NAALADL2: variants seen among roughly 807,000 people sequenced by gnomAD.
NAALADL2 encodes inactive N-acetylated-alpha-linked acidic dipeptidase-like protein 2.
A neutral mutation model predicts 87.2 loss-of-function variants in NAALADL2; 76 were observed. That is an observed-to-expected ratio of 0.87 (90% confidence interval 0.72 to 1.05). The LOEUF is 1.05. NAALADL2 is among the 50% of genes least tolerant of loss of function. The pLI is 0.00. For synonymous variants in NAALADL2, 354 were observed against 331.0 expected (o/e 1.07, Z -0.75); for missense variants, 1,089 against 945.8 (o/e 1.15, Z -1.99).
intron 11 of NAALADL2, among the ~76,000 whole-genome samples, chr3:175,653,459 G>C (rs1235388758): frequency 6.6e-6 from 1 of 152,126 alleles, no homozygotes; most frequent in African/African-American, 2.4e-5. Flanking sequence ...ATCTGGCACT[G>C]GTTTGGAAGC....
chr3:174,926,934 C>A (rs1224279055), intron 1 of NAALADL2, among the ~76,000 whole-genome samples: 2 of 151,424 alleles, frequency 1.3e-5, no homozygotes, highest in Non-Finnish European at 2.9e-5. Flanking sequence ...AGTCAAGACT[C>A]ACCAGTGTGC....
chr3:175,140,562 G>A (rs535310131), intron 2 of NAALADL2, among the ~76,000 whole-genome samples: 8 of 152,250 alleles, frequency 5.3e-5, no homozygotes, highest in African/African-American at 1.7e-4. Flanking sequence ...AGCAAAGAAG[G>A]CAGGTAAAGA....
intron 1 of NAALADL2, among the ~76,000 whole-genome samples, chr3:174,996,866 T>TGAGATAA (rs1747531888): frequency 6.6e-6 from 1 of 152,060 alleles, no homozygotes; most frequent in Non-Finnish European, 1.5e-5. Flanking sequence ...TAGCTTCCAC[T>TGAGATAA]GATAAATGAG....
chr3:175,092,972 G>A (rs73176734), intron 1 of NAALADL2, among the ~76,000 whole-genome samples: 9,029 of 151,822 alleles, frequency 0.059, 375 homozygotes, highest in Non-Finnish European at 0.096. Flanking sequence ...ATTTCCATCC[G>A]TAGAAATGTC....
At chr3:175,337,291 G>C (rs920691645) in intron 5 of NAALADL2, among the ~76,000 whole-genome samples, 1 of 152,028 alleles carries the variant, frequency 6.6e-6, no homozygotes, top group Non-Finnish European at 1.5e-5. Flanking sequence ...AAGATTTCTT[G>C]ATATATTTGA....
intron 2 of NAALADL2, among the ~76,000 whole-genome samples, chr3:175,201,943 T>G (rs1337239770): frequency 6.6e-6 from 1 of 152,220 alleles, no homozygotes; most frequent in Non-Finnish European, 1.5e-5. Context: ...ATCAATGTAT[T>G]TCTTAACTTT....
chr3:175,159,380 A>G (rs1439918221), intron 2 of NAALADL2, among the ~76,000 whole-genome samples: 1 of 152,196 alleles, frequency 6.6e-6, no homozygotes, highest in Non-Finnish European at 1.5e-5. Flanking sequence ...TGAGCCTATA[A>G]AGATACTCCA....
intron 9 of NAALADL2, among the ~76,000 whole-genome samples, chr3:175,473,712 A>G (rs1218784157): frequency 6.6e-6 from 1 of 152,072 alleles, no homozygotes; most frequent in Non-Finnish European, 1.5e-5. Context: ...AAAACTTTAC[A>G]GTAATTTACA....
intron 10 of NAALADL2, among the ~76,000 whole-genome samples, chr3:175,621,923 T>C (rs1582661262): frequency 6.6e-6 from 1 of 152,122 alleles, no homozygotes; most frequent in South Asian, 2.1e-4. Flanking sequence ...ACTCAGCAAA[T>C]TGTAGCTACA....
chr3:174,806,521 C>T (rs1466672094), intron 3 of NAALADL2, among the ~76,000 whole-genome samples: 2 of 152,182 alleles, frequency 1.3e-5, no homozygotes, highest in Non-Finnish European at 2.9e-5. Context: ...GGAAACAAGT[C>T]TTTCCTGAAG....
chr3:175,334,527 T>G (rs1761781080), intron 5 of NAALADL2, among the ~76,000 whole-genome samples: 1 of 152,220 alleles, frequency 6.6e-6, no homozygotes, highest in East Asian at 1.9e-4. Context: ...TTGTCTATTC[T>G]GTGTTTCTTT....
chr3:175,148,423 G>T (rs1731090320), intron 2 of NAALADL2, among the ~76,000 whole-genome samples: 1 of 151,916 alleles, frequency 6.6e-6, no homozygotes, highest in Non-Finnish European at 1.5e-5. Context: ...TTCTTTTGCT[G>T]TGCAAAAGCT....
intron 2 of NAALADL2, among the ~76,000 whole-genome samples, chr3:175,170,573 A>G (rs1302430694): frequency 2.0e-5 from 3 of 150,082 alleles, no homozygotes; most frequent in African/African-American, 4.9e-5. Context: ...TGCCACTTCA[A>G]TGGCATATCA....
intron 11 of NAALADL2, among the ~76,000 whole-genome samples, chr3:175,628,789 C>T (rs940424548): frequency 1.3e-5 from 2 of 150,308 alleles, no homozygotes; most frequent in Non-Finnish European, 3.0e-5. Flanking sequence ...GAGTGAGTGT[C>T]AATAGAATGA....
At chr3:175,119,476 G>A (rs1725786208) in intron 2 of NAALADL2, among the ~76,000 whole-genome samples, 1 of 151,258 alleles carries the variant, frequency 6.6e-6, no homozygotes, top group South Asian at 2.1e-4. Flanking sequence ...AGGATGTAGA[G>A]GCAAGGTTAT....
At chr3:174,646,626 A>ATTTTAATTTTATAATTC (rs1201647140) in intron 2 of NAALADL2, among the ~76,000 whole-genome samples, 2 of 152,102 alleles carry the variant, frequency 1.3e-5, no homozygotes, top group African/African-American at 2.4e-5. Context: ...TGATATTTCA[A>ATTTTAATTTTATAATTC]TTTTAATTTT....
chr3:174,499,734 G>C (rs1210951595), intron 1 of NAALADL2, among the ~76,000 whole-genome samples: 2 of 151,894 alleles, frequency 1.3e-5, no homozygotes, highest in African/African-American at 4.8e-5. Flanking sequence ...AGTTGTTCCT[G>C]TATATGTGGG....
intron 4 of NAALADL2, among the ~76,000 whole-genome samples, chr3:175,264,511 C>T (rs1751600647): frequency 6.6e-6 from 1 of 151,688 alleles, no homozygotes. Flanking sequence ...ATTAGTCTCT[C>T]AAGACTGCAC....
intron 1 of NAALADL2, among the ~76,000 whole-genome samples, chr3:174,508,810 G>T (rs954415330): frequency 1.3e-5 from 2 of 152,280 alleles, no homozygotes; most frequent in Admixed American, 1.3e-4. Context: ...CACTTTGGGA[G>T]GCCGAGGTGG....
Sources: gnomAD v4.1 joint callset for allele counts (sites outside exome capture counted in the v4.1 genomes callset) on GRCh38, gnomAD v4.1.1 for gene constraint, MANE v1.5 for transcripts, NCBI Gene and HGNC (gene_info 2026-07-23, HGNC 2026-07-21) for gene names.